PTGER3: variants seen among roughly 807,000 people sequenced by gnomAD.
The protein encoded by PTGER3 is prostaglandin E receptor 3.
A neutral mutation model predicts 34.7 loss-of-function variants in PTGER3; 22 were observed. That is an observed-to-expected ratio of 0.63 (90% CI 0.45 to 0.91). The LOEUF (loss-of-function observed/expected upper bound fraction) is 0.91. Among genes scored for constraint, PTGER3 ranks in the 40% least tolerant of loss-of-function variants. The pLI is 0.00. For missense variants in PTGER3, 468 were observed against 519.4 expected (o/e 0.90, Z 0.96); for synonymous variants, 241 against 230.1 (o/e 1.05, Z -0.43).
chr1:70,856,811 G>A (rs1429000828), intron 4 of PTGER3, among the ~76,000 whole-genome samples: 5 of 152,136 alleles, frequency 3.3e-5, no homozygotes, highest in Non-Finnish European at 7.4e-5. Flanking sequence ...TGTCAAAACT[G>A]GGAAACTGAC....
At chr1:70,982,660 C>T (rs747974615) in intron 2 of PTGER3, among the ~76,000 whole-genome samples, 12 of 152,160 alleles carry the variant, frequency 7.9e-5, no homozygotes, top group Non-Finnish European at 1.5e-4. Flanking sequence ...CACCATCATT[C>T]CTCTCTGTCT....
At chr1:70,865,076 A>C (rs1380248076) in intron 4 of PTGER3, among the ~76,000 whole-genome samples, 2 of 150,206 alleles carry the variant, frequency 1.3e-5, no homozygotes, top group African/African-American at 5.0e-5. Flanking sequence ...ATAGCATTTC[A>C]AGGCAAGAAA....
At chr1:70,975,360 A>G (rs1195515121) in intron 2 of PTGER3, among the ~76,000 whole-genome samples, 2 of 140,750 alleles carry the variant, frequency 1.4e-5, no homozygotes, top group African/African-American at 2.8e-5. Flanking sequence ...CAGAAAAACG[A>G]TTCCTTTTTT....
At chr1:70,889,816 C>T (rs1270231009) in intron 4 of PTGER3, among the ~76,000 whole-genome samples, 2 of 152,080 alleles carry the variant, frequency 1.3e-5, no homozygotes, top group East Asian at 3.9e-4. Flanking sequence ...TCTTGAAAGC[C>T]CCACATGTCT....
intron 2 of PTGER3, among the ~76,000 whole-genome samples, chr1:70,965,776 C>G (rs1652452181): frequency 6.6e-6 from 1 of 152,086 alleles, no homozygotes; most frequent in Non-Finnish European, 1.5e-5. Flanking sequence ...TTTGCTTTAT[C>G]CTGTATTTTT....
At chr1:71,040,558 C>G (rs770383301) in intron 1 of PTGER3, among the ~76,000 whole-genome samples, 3 of 151,808 alleles carry the variant, frequency 2.0e-5, no homozygotes, top group African/African-American at 4.8e-5. Flanking sequence ...GCAGTGAGCC[C>G]GAGATCATGC....
At chr1:71,027,697 A>G (rs1413873220) in intron 1 of PTGER3, among the ~76,000 whole-genome samples, 1 of 152,114 alleles carries the variant, frequency 6.6e-6, no homozygotes, top group Non-Finnish European at 1.5e-5. Context: ...TCTGCAGCAC[A>G]TGTATGCTTT....
chr1:70,952,870 T>C (rs770575822), exon 4 of PTGER3: 1 of 1,547,768 alleles, frequency 6.5e-7, no homozygotes, highest in Admixed American at 1.8e-5. Context: ...AGCTTGCTTT[T>C]TTAAAACACA....
intron 2 of PTGER3, among the ~76,000 whole-genome samples, chr1:70,989,871 C>T (rs1655268195): frequency 6.6e-6 from 1 of 151,912 alleles, no homozygotes; most frequent in Admixed American, 6.6e-5. Context: ...AAACATATTA[C>T]CAGTCAATGG....
At chr1:70,877,318 T>C (rs1175519990) in intron 4 of PTGER3, among the ~76,000 whole-genome samples, 1 of 152,208 alleles carries the variant, frequency 6.6e-6, no homozygotes, top group African/African-American at 2.4e-5. Context: ...CCTGAAACTT[T>C]GCTGAAGTTT....
At chr1:70,953,736 A>T in intron 3 of PTGER3, 1 of 1,538,144 alleles carries the variant, frequency 6.5e-7, no homozygotes, top group Non-Finnish European at 8.8e-7. Context: ...AAATGCAACT[A>T]GTTTTAATAC....
At chr1:70,984,036 G>A (rs573460557) in intron 2 of PTGER3, among the ~76,000 whole-genome samples, 4 of 152,106 alleles carry the variant, frequency 2.6e-5, no homozygotes, top group African/African-American at 7.2e-5. Flanking sequence ...GTTCTGTATG[G>A]TTTAGCTGTT....
chr1:70,939,494 T>A (rs1023870572), intron 4 of PTGER3, among the ~76,000 whole-genome samples: 1 of 152,242 alleles, frequency 6.6e-6, no homozygotes, highest in Non-Finnish European at 1.5e-5. Flanking sequence ...CCTTCTGCAC[T>A]TCCCTAGTAG....
At chr1:70,895,469 C>T (rs1646704925) in intron 4 of PTGER3, among the ~76,000 whole-genome samples, 1 of 152,174 alleles carries the variant, frequency 6.6e-6, no homozygotes, top group South Asian at 2.1e-4. Context: ...TATACAACTA[C>T]AAAATCATTT....
At chr1:71,016,433 A>C (rs1572939158) in intron 1 of PTGER3, among the ~76,000 whole-genome samples, 1 of 152,196 alleles carries the variant, frequency 6.6e-6, no homozygotes, top group Non-Finnish European at 1.5e-5. Context: ...TAAAATAGGC[A>C]GACTTGTGGA....
At chr1:70,853,387 C>T (rs1211332333) in intron 4 of PTGER3, among the ~76,000 whole-genome samples, 3 of 152,094 alleles carry the variant, frequency 2.0e-5, no homozygotes. Context: ...AAACTAATTT[C>T]TATAAGTGAA....
At chr1:71,026,396 A>G (rs1658928299) in intron 1 of PTGER3, among the ~76,000 whole-genome samples, 3 of 152,178 alleles carry the variant, frequency 2.0e-5, no homozygotes, top group Admixed American at 2.0e-4. Flanking sequence ...CTCATTGTAA[A>G]CTTTAGTTTC....
intron 4 of PTGER3, among the ~76,000 whole-genome samples, chr1:70,931,108 G>C (rs1235290457): frequency 1.3e-5 from 2 of 152,276 alleles, no homozygotes; most frequent in East Asian, 1.9e-4. Context: ...AAAAACAAAG[G>C]GGTTTCAGGG....
In PTGER3 at chr1:71,014,074, G is replaced by T. The variant is rs565565125; in HGVS notation, c.898-1590C>A. Among the ~76,000 whole-genome samples, 15 of 151,968 alleles carry T rather than the reference G, an allele frequency of 9.9e-5. No homozygotes were observed. The East Asian group carries it at 2.9e-3, about 29-fold the overall frequency. On this transcript the variant is annotated intron_variant, in intron 1 of 3. Coordinates refer to ENST00000306666, the MANE Select transcript of PTGER3 (RefSeq NM_198719.2). ...TATATTATTCAAATTAATGTCACTT[G>T]TTTCTTTTGACTTTTTAAAAATGCA...
Sources: allele counts gnomAD v4.1 joint callset (sites outside exome capture counted in the v4.1 genomes callset), GRCh38; gene constraint gnomAD v4.1.1; transcripts MANE v1.5; gene names NCBI Gene and HGNC (gene_info 2026-07-23, HGNC 2026-07-21).